Variants in BTAF1 observed in about 807,000 individuals in gnomAD.
BTAF1 encodes the protein B-TFIID TATA-box binding protein associated factor 1, also known as TATA-binding protein-associated factor 172.
In BTAF1, 38 loss-of-function variants were observed where a neutral mutation model predicts 227.1. The observed-to-expected ratio is 0.17, with a 90% CI of 0.13 to 0.22. The LOEUF (loss-of-function observed/expected upper bound fraction) is 0.22. Among genes scored for constraint, BTAF1 ranks in the 10% least tolerant of loss-of-function variants. BTAF1 has a pLI of 1.00. For missense variants in BTAF1, 1,598 were observed against 2,204.0 expected (o/e 0.73, Z 5.51); for synonymous variants, 742 against 751.9 (o/e 0.99, Z 0.21).
chr10:92,003,879 G>T (rs535718976), intron 25 of BTAF1, among the ~76,000 whole-genome samples: 1 of 152,166 alleles, frequency 6.6e-6, no homozygotes, highest in Non-Finnish European at 1.5e-5. Flanking sequence ...ATACGCAAGG[G>T]TTCCTGTTTC....
intron 1 of BTAF1, among the ~76,000 whole-genome samples, chr10:91,932,636 T>C (rs977206605): frequency 1.3e-5 from 2 of 152,072 alleles, no homozygotes; most frequent in African/African-American, 4.8e-5. Context: ...ATGTGAGAGA[T>C]GCCACAAAAA....
intron 6 of BTAF1, 110 bp downstream of exon 6, chr10:91,953,983 C>A: frequency 7.0e-7 from 1 of 1,418,494 alleles, no homozygotes; most frequent in South Asian, 1.4e-5. Flanking sequence ...CTGGGGAGTA[C>A]TGTTTGGATT....
chr10:92,020,109 A>G (rs1426638024), intron 34 of BTAF1, among the ~76,000 whole-genome samples: 1 of 131,666 alleles, frequency 7.6e-6, no homozygotes, highest in African/African-American at 2.5e-5. Context: ...TTATCTTTTT[A>G]CTTCTTGATA....
In BTAF1 at chr10:92,030,292, AC is replaced by A. The variant is rs1851813799; in HGVS notation, c.*1360del. On this transcript the variant is annotated 3_prime_UTR_variant, in exon 38 of 38. Transcript: ENST00000265990. ...ACTGTAACATTAAACCTAGCATTCC[AC>A]AAGAGAATAAATATAAGATTGAAAC... 6.6e-6 allele frequency: 1 copy of A among 152,542 alleles called. No homozygotes were observed. The highest frequency in any genetic ancestry group is 2.4e-5 in the African/African-American group (1 of 41,444). 9.4% of individuals were successfully genotyped at this position (152,542 alleles called of 1,614,324 possible).
At position 91,980,536 on chromosome 10, in the gene BTAF1, AAATTCT is replaced by A; in HGVS notation, c.1734_1739del (p.Ile579_Leu580del). On this transcript the variant is annotated inframe_deletion, in exon 15 of 38. Transcript: ENST00000265990. ...TTCTGTGTTTTGGAAAGCAGCCAGG[AAATTCT>A]GGACCTTATTCACAAGGTACACAGC... The A allele has an allele frequency of 6.2e-7, 1 of 1,612,202 alleles. No homozygotes were observed. The highest frequency in any genetic ancestry group is 1.1e-5 in the South Asian group (1 of 90,938).
chr10:91,924,006 T>A lies in BTAF1; in HGVS notation c.-71T>A. The A allele has an allele frequency of 1.9e-6, 3 of 1,571,076 alleles. No individual in the cohort carries two copies. The highest frequency in any genetic ancestry group is 2.3e-5 in the East Asian group (1 of 42,668). ...GCGGCCTGGGCCTGCGCCGCTCAGC[T>A]CTCTGGAAACTAGCGCCTCAGCTGC... On this transcript the variant is annotated 5_prime_UTR_variant, in exon 1 of 38. Coordinates refer to ENST00000265990, the MANE Select transcript of BTAF1 (RefSeq NM_003972.3).
chr10:91,955,254 G>A (rs531096883), intron 6 of BTAF1, among the ~76,000 whole-genome samples: 1 of 152,172 alleles, frequency 6.6e-6, no homozygotes, highest in East Asian at 1.9e-4. Flanking sequence ...GGAAATATTC[G>A]ACTTTATTTT....
Position 91,982,620 on chromosome 10 carries a change from T to A in BTAF1, c.2082T>A (p.Asp694Glu). The A allele has an allele frequency of 6.2e-7, 1 of 1,613,818 alleles. No individual in the cohort carries two copies. The highest frequency in any genetic ancestry group is 1.1e-5 in the South Asian group (1 of 91,036). The change falls in exon 18 of 38, where the codon GAT becomes GAA. Residue 694 changes from aspartate (D) to glutamate (E), a missense_variant. Asp to Glu is a conservative substitution (Grantham distance 45). Coordinates refer to ENST00000265990, the MANE Select transcript of BTAF1 (RefSeq NM_003972.3). ...GAGCACTTTGTTGCTGTATTTGTGA[T>A]CCAGGTGTAAATGTGGTAACTCAAG... ...LLGALCCCIC[D>E]PGVNVVTQEI...
chr10:91,964,001 C>T (rs771195524), intron 12 of BTAF1, 76 bp from the exon 13 acceptor site: 7 of 1,527,420 alleles, frequency 4.6e-6, no homozygotes, highest in Non-Finnish European at 5.4e-6. Flanking sequence ...AGTAGTGACC[C>T]CTGGGATACC....
chr10:91,965,272 TGAAG>T (rs1312943822), intron 13 of BTAF1, among the ~76,000 whole-genome samples: 2 of 152,160 alleles, frequency 1.3e-5, no homozygotes, highest in Non-Finnish European at 2.9e-5. Context: ...AGCTGCAAGA[TGAAG>T]GGGTTTTTCA....
chr10:91,953,474 A>T (rs185274617), intron 5 of BTAF1, among the ~76,000 whole-genome samples: 89 of 152,308 alleles, frequency 5.8e-4, no homozygotes, highest in Admixed American at 1.2e-3. Context: ...GGTTAGGATC[A>T]TACATTTGTG....
intron 24 of BTAF1, 95 bp from the exon 25 acceptor site, chr10:91,997,508 G>T: frequency 9.3e-7 from 1 of 1,079,532 alleles, no homozygotes; most frequent in Non-Finnish European, 1.3e-6. Flanking sequence ...TGAGAAAATG[G>T]TGAGCCTTTT....
intron 7 of BTAF1, 80 bp downstream of exon 7, chr10:91,956,737 C>G (rs926745241): frequency 1.4e-6 from 2 of 1,474,196 alleles, no homozygotes; most frequent in African/African-American, 1.4e-5. Context: ...CTCCTGTAAT[C>G]CCAGCACTTT....
chr10:91,970,841 A>G (rs895676343), intron 14 of BTAF1, among the ~76,000 whole-genome samples: 1 of 152,222 alleles, frequency 6.6e-6, no homozygotes, highest in African/African-American at 2.4e-5. Flanking sequence ...AAGACAAACT[A>G]AGCTGAAAGA....
At chr10:91,931,513 G>A (rs902743742) in intron 1 of BTAF1, among the ~76,000 whole-genome samples, 11 of 152,186 alleles carry the variant, frequency 7.2e-5, no homozygotes, top group Non-Finnish European at 1.5e-5. Context: ...GCCAAAAGTA[G>A]TATGGGAGTA....
intron 25 of BTAF1, among the ~76,000 whole-genome samples, chr10:92,005,441 C>T (rs1849813270): frequency 1.3e-5 from 2 of 152,126 alleles, no homozygotes; most frequent in African/African-American, 4.8e-5. Flanking sequence ...TTCTTCCAGT[C>T]CAAGAACATT....
At chr10:91,983,379 G>C (rs1848193199) in intron 18 of BTAF1, among the ~76,000 whole-genome samples, 1 of 152,192 alleles carries the variant, frequency 6.6e-6, no homozygotes, top group Non-Finnish European at 1.5e-5. Context: ...AAATTTAACT[G>C]TCTGCACTTG....
intron 24 of BTAF1, among the ~76,000 whole-genome samples, 175 bp downstream of exon 24, chr10:91,996,745 T>A (rs1244171342): frequency 6.6e-6 from 1 of 152,216 alleles, no homozygotes; most frequent in Non-Finnish European, 1.5e-5. Flanking sequence ...ACAAATGTGT[T>A]ACAAACTGAT....
At chr10:92,021,302 A>C (rs1851101782) in intron 34 of BTAF1, among the ~76,000 whole-genome samples, 1 of 152,228 alleles carries the variant, frequency 6.6e-6, no homozygotes, top group African/African-American at 2.4e-5. Context: ...AAGCAGAGTC[A>C]GTTTTAAAAG....
Sources: allele counts gnomAD v4.1 joint callset (sites outside exome capture counted in the v4.1 genomes callset), GRCh38; gene constraint gnomAD v4.1.1; transcripts MANE v1.5; gene names NCBI Gene and HGNC (gene_info 2026-07-23, HGNC 2026-07-21).